The following PATJ variants were observed in gnomAD, a reference collection of about 807,000 sequenced individuals.
The protein encoded by PATJ is inaD-like protein.
PATJ carries 190 observed loss-of-function variants against 224.9 expected under a neutral mutation model. The ratio of observed to expected loss-of-function variants is 0.84; its 90% CI spans 0.75 to 0.95. The LOEUF (loss-of-function observed/expected upper bound fraction) is 0.95, where lower values mean the gene tolerates loss of function less well. Ranked by LOEUF, PATJ falls within the 40% of genes least tolerant of loss-of-function variation. The pLI is 0.00. For synonymous variants in PATJ, 769 were observed against 820.3 expected, an observed-to-expected ratio of 0.94 and a Z score of 1.07; for missense variants, 2,121 against 2,270.3, an observed-to-expected ratio of 0.93 and a Z score of 1.34.
chr1:62,017,735 A>G, intron 28 of PATJ, 121 bp from the exon 29 acceptor site: 1 of 535,986 alleles, frequency 1.9e-6, no homozygotes. Context: ...GTCTCAAAAA[A>G]AAAAAAAAAA....
chr1:62,099,322 A>AT (rs1661822890), intron 33 of PATJ, among the ~76,000 whole-genome samples: 1 of 63,642 alleles, frequency 1.6e-5, no homozygotes, highest in Admixed American at 1.4e-4. Context: ...ACATATGACT[A>AT]TTTTTTTGTA....
intron 12 of PATJ, 30 bp downstream of exon 12, chr1:61,801,799 C>T (rs1461104532): frequency 6.9e-7 from 1 of 1,442,106 alleles, no homozygotes; most frequent in East Asian, 2.3e-5. Flanking sequence ...TTTGCGATAA[C>T]AGACTTCTTC....
At chr1:62,126,421 T>C (rs1665725952) in intron 39 of PATJ, among the ~76,000 whole-genome samples, 1 of 152,218 alleles carries the variant, frequency 6.6e-6, no homozygotes, top group Non-Finnish European at 1.5e-5. Flanking sequence ...GGTAGTTGTT[T>C]TTTACATTTT....
Position 62,161,327 on chromosome 1 carries a change from ATTTC to A in PATJ, c.*277_*280del, listed in dbSNP as rs375101239. On this transcript the variant is annotated 3_prime_UTR_variant, in exon 44 of 44. Coordinates refer to ENST00000642238, the MANE Select transcript of PATJ (RefSeq NM_001350145.3). ...TTTTGCATTTAATTTCAGTGTTCCG[ATTTC>A]TTTTTTTTTTTTTTTTTTTTTTTTT... 309 of 133,782 alleles carry A rather than the reference ATTTC, an allele frequency of 2.3e-3. 1 individual carries two copies. The highest frequency in any genetic ancestry group is 9.9e-3 in the African/African-American group (260 of 26,344). 8.3% of individuals were successfully genotyped at this position (133,782 alleles called of 1,614,324 possible).
chr1:62,041,912 G>A (rs192564915), intron 30 of PATJ, among the ~76,000 whole-genome samples: 14 of 152,096 alleles, frequency 9.2e-5, no homozygotes, highest in Admixed American at 3.9e-4. Flanking sequence ...GCGTGAACCC[G>A]GGAGGCGGAG....
At chr1:61,792,466 T>G (rs982533824) in intron 9 of PATJ, among the ~76,000 whole-genome samples, 6 of 152,206 alleles carry the variant, frequency 3.9e-5, no homozygotes, top group Non-Finnish European at 8.8e-5. Flanking sequence ...TAAGAAAATT[T>G]AATGTTTATA....
intron 26 of PATJ, among the ~76,000 whole-genome samples, chr1:61,922,425 G>T (rs1464889648): frequency 6.6e-6 from 1 of 152,174 alleles, no homozygotes; most frequent in South Asian, 2.1e-4. Context: ...TGGAATTTAA[G>T]CTCCATGAGG....
chr1:62,080,831 C>T (rs998342174), intron 32 of PATJ, among the ~76,000 whole-genome samples: 3 of 152,062 alleles, frequency 2.0e-5, no homozygotes, highest in Non-Finnish European at 4.4e-5. Flanking sequence ...TGTAGATGTA[C>T]TAAAACATTT....
chr1:62,107,283 G>A (rs575952533), intron 33 of PATJ, among the ~76,000 whole-genome samples: 1 of 150,826 alleles, frequency 6.6e-6, no homozygotes, highest in African/African-American at 2.4e-5. Context: ...TCCAGCCTGG[G>A]CGACAGAGTG....
intron 14 of PATJ, among the ~76,000 whole-genome samples, chr1:61,813,374 TATATACACACAC>T (rs796163216): frequency 0.34 from 24,185 of 71,790 alleles, 2,970 homozygotes; most frequent in Middle Eastern, 0.49. Context: ...TATATATATA[TATATACACACAC>T]ACACACACAC....
At chr1:61,978,080 T>G (rs150775518) in intron 27 of PATJ, among the ~76,000 whole-genome samples, 2 of 151,956 alleles carry the variant, frequency 1.3e-5, no homozygotes, top group East Asian at 3.9e-4. Context: ...GACTATTTCT[T>G]CTCTCTTCTC....
At chr1:61,816,017 C>T (rs76303082) in intron 14 of PATJ, among the ~76,000 whole-genome samples, 1 of 152,112 alleles carries the variant, frequency 6.6e-6, no homozygotes, top group Admixed American at 6.5e-5. Context: ...TCAGTAATAT[C>T]GCTTGTGTGG....
At chr1:61,895,105 A>C (rs1670173921) in intron 22 of PATJ, among the ~76,000 whole-genome samples, 1 of 152,230 alleles carries the variant, frequency 6.6e-6, no homozygotes, top group Non-Finnish European at 1.5e-5. Context: ...GCAGCAAAGC[A>C]TTGAAGAGGT....
chr1:61,885,179 G>A (rs888652001), intron 22 of PATJ, among the ~76,000 whole-genome samples: 8 of 151,990 alleles, frequency 5.3e-5, no homozygotes, highest in Non-Finnish European at 1.0e-4. Flanking sequence ...TTGACAAATG[G>A]GATCTAATTA....
At chr1:61,996,494 T>A (rs1031821162) in intron 28 of PATJ, among the ~76,000 whole-genome samples, 3 of 152,198 alleles carry the variant, frequency 2.0e-5, no homozygotes, top group African/African-American at 7.2e-5. Flanking sequence ...AGATTACTTA[T>A]AATTTATAGT....
chr1:61,807,692 A>G (rs1373051955), intron 13 of PATJ, among the ~76,000 whole-genome samples: 2 of 152,176 alleles, frequency 1.3e-5, no homozygotes, highest in Admixed American at 6.5e-5. Context: ...GTGTACTCCA[A>G]TATTTCTTAT....
At chr1:62,159,044 T>TAC (rs1669584219) in intron 43 of PATJ, among the ~76,000 whole-genome samples, 1 of 152,252 alleles carries the variant, frequency 6.6e-6, no homozygotes, top group Non-Finnish European at 1.5e-5. Context: ...ATCTGAGATT[T>TAC]ACTGAAGCCC....
intron 27 of PATJ, among the ~76,000 whole-genome samples, chr1:61,935,807 C>G (rs1676768960): frequency 6.6e-6 from 1 of 151,778 alleles, no homozygotes. Flanking sequence ...AAAAAATTAA[C>G]CTGTGTACTG....
intron 10 of PATJ, 108 bp from the exon 11 acceptor site, chr1:61,797,179 A>G: frequency 3.1e-6 from 4 of 1,294,104 alleles, no homozygotes; most frequent in Non-Finnish European, 4.4e-6. Flanking sequence ...CGGCCTAAAT[A>G]ATTTATTTTT....
Sources: gnomAD v4.1 joint callset for allele counts (sites outside exome capture counted in the v4.1 genomes callset) on GRCh38, gnomAD v4.1.1 for gene constraint, MANE v1.5 for transcripts, NCBI Gene and HGNC (gene_info 2026-07-23, HGNC 2026-07-21) for gene names.